LINGO2: variants seen among roughly 807,000 people sequenced by gnomAD.
LINGO2 encodes the protein leucine-rich repeat and immunoglobulin-like domain-containing nogo receptor-interacting protein 2.
In LINGO2, 14 loss-of-function variants were observed where a neutral mutation model predicts 30.6. The ratio of observed to expected loss-of-function variants is 0.46; its 90% CI spans 0.30 to 0.72. The LOEUF (loss-of-function observed/expected upper bound fraction) is 0.72. Among genes scored for constraint, LINGO2 ranks in the 30% least tolerant of loss-of-function variants. LINGO2 has a pLI of 0.07. For missense variants in LINGO2, 729 were observed against 751.7 expected, an observed-to-expected ratio of 0.97 and a Z score of 0.35; for synonymous variants, 317 against 288.5, an observed-to-expected ratio of 1.10 and a Z score of -1.00.
At chr9:28,162,425 C>T (rs1413210931) in intron 4 of LINGO2, among the ~76,000 whole-genome samples, 1 of 152,134 alleles carries the variant, frequency 6.6e-6, no homozygotes, top group East Asian at 1.9e-4. Context: ...ATTCATCTAG[C>T]TTGGTTCAGA....
chr9:28,282,582 A>C (rs1413596470), intron 4 of LINGO2, among the ~76,000 whole-genome samples: 1 of 152,134 alleles, frequency 6.6e-6, no homozygotes, highest in African/African-American at 2.4e-5. Context: ...TCAAATAAAA[A>C]GTATCATAAG....
intron 4 of LINGO2, among the ~76,000 whole-genome samples, chr9:28,264,757 G>C (rs1157979817): frequency 1.3e-5 from 2 of 151,928 alleles, no homozygotes; most frequent in Non-Finnish European, 2.9e-5. Context: ...CTCTTCCTGT[G>C]ATAGTTTCAT....
intron 4 of LINGO2, among the ~76,000 whole-genome samples, chr9:28,208,523 T>C (rs888590739): frequency 6.6e-6 from 1 of 151,956 alleles, no homozygotes; most frequent in South Asian, 2.1e-4. Context: ...ATGTGAGGGG[T>C]AGGGAGATAG....
chr9:28,215,052 T>A (rs1004812832), intron 4 of LINGO2, among the ~76,000 whole-genome samples: 7 of 151,780 alleles, frequency 4.6e-5, no homozygotes, highest in African/African-American at 1.4e-4. Context: ...ATGTCATAAT[T>A]CTTCTCATGG....
exon 6 of LINGO2, chr9:27,948,935 A>G (rs375267775): frequency 1.1e-5 from 18 of 1,613,924 alleles, no homozygotes; most frequent in Admixed American, 1.7e-5. Flanking sequence ...GCACATACTC[A>G]AGGTCAATGC....
chr9:28,915,018 G>T, the LINGO2 span, among the ~76,000 whole-genome samples: 15 of 152,272 alleles, frequency 9.9e-5, no homozygotes, highest in South Asian at 3.1e-3. Context: ...TGTAGTCCCA[G>T]CTACTTGGGA....
the LINGO2 span, among the ~76,000 whole-genome samples, chr9:28,997,202 G>A: frequency 1.3e-5 from 2 of 152,144 alleles, no homozygotes; most frequent in African/African-American, 4.8e-5. Flanking sequence ...GCCAAGGTGA[G>A]AGGACTGCTT....
intron 1 of LINGO2, among the ~76,000 whole-genome samples, chr9:28,604,072 G>T (rs140818735): frequency 1.3e-5 from 2 of 151,836 alleles, no homozygotes; most frequent in Admixed American, 1.3e-4. Context: ...ATTCTCTATG[G>T]CCTTTTACAG....
chr9:28,691,449 T>A, the LINGO2 span, among the ~76,000 whole-genome samples: 1 of 152,160 alleles, frequency 6.6e-6, no homozygotes, highest in Non-Finnish European at 1.5e-5. Flanking sequence ...ACCCTTACTG[T>A]ATTGGATCAA....
At chr9:28,397,364 TATATATATAC>T (rs1304762208) in intron 2 of LINGO2, among the ~76,000 whole-genome samples, 4 of 110,088 alleles carry the variant, frequency 3.6e-5, no homozygotes, top group Non-Finnish European at 6.1e-5. Flanking sequence ...AGTATATATA[TATATATATAC>T]ATATATATAT....
chr9:28,325,751 C>T (rs1825204343), intron 3 of LINGO2, among the ~76,000 whole-genome samples: 1 of 152,062 alleles, frequency 6.6e-6, no homozygotes, highest in African/African-American at 2.4e-5. Context: ...TATAAATTAC[C>T]CAGTCTCGGG....
At chr9:29,126,006 C>G in the LINGO2 span, among the ~76,000 whole-genome samples, 1 of 151,906 alleles carries the variant, frequency 6.6e-6, no homozygotes, top group African/African-American at 2.4e-5. Flanking sequence ...TGGTAAAAAC[C>G]AAATATAACA....
At chr9:28,362,538 T>C (rs1382652993) in intron 3 of LINGO2, among the ~76,000 whole-genome samples, 2 of 152,010 alleles carry the variant, frequency 1.3e-5, no homozygotes, top group Non-Finnish European at 2.9e-5. Flanking sequence ...TGGCGTGATC[T>C]CAGCTCACCG....
chr9:28,284,790 CTA>C (rs769151301), intron 4 of LINGO2, among the ~76,000 whole-genome samples: 10 of 152,162 alleles, frequency 6.6e-5, no homozygotes, highest in Admixed American at 1.3e-4. Context: ...ATCCAAAAGA[CTA>C]TTATTTGATA....
chr9:28,072,685 G>A (rs1825514504), intron 4 of LINGO2, among the ~76,000 whole-genome samples: 1 of 152,072 alleles, frequency 6.6e-6, no homozygotes, highest in South Asian at 2.1e-4. Flanking sequence ...AGATAGTGAG[G>A]TAGGAACACA....
At chr9:29,187,401 G>A in the LINGO2 span, among the ~76,000 whole-genome samples, 1 of 152,234 alleles carries the variant, frequency 6.6e-6, no homozygotes, top group African/African-American at 2.4e-5. Context: ...AATCTAGAAT[G>A]TTATATTCTG....
the LINGO2 span, among the ~76,000 whole-genome samples, chr9:29,119,598 T>A: frequency 1.4e-5 from 2 of 145,830 alleles, no homozygotes; most frequent in African/African-American, 2.6e-5. Flanking sequence ...TTTTTTTTTT[T>A]TTTTGGAGAC....
chr9:28,073,840 C>A (rs1825550106), intron 4 of LINGO2, among the ~76,000 whole-genome samples: 1 of 152,100 alleles, frequency 6.6e-6, no homozygotes, highest in African/African-American at 2.4e-5. Context: ...CAAGCCTGGA[C>A]AATATAGCCA....
intron 1 of LINGO2, among the ~76,000 whole-genome samples, chr9:28,633,335 A>G (rs937527408): frequency 1.3e-5 from 2 of 152,142 alleles, no homozygotes; most frequent in Non-Finnish European, 2.9e-5. Context: ...CCTTTATTCC[A>G]GAGAATACCT....
Sources: allele counts gnomAD v4.1 joint callset (sites outside exome capture counted in the v4.1 genomes callset), GRCh38; gene constraint gnomAD v4.1.1; transcripts MANE v1.5; gene names NCBI Gene and HGNC (gene_info 2026-07-23, HGNC 2026-07-21).